Variants in LRRC37B observed in about 807,000 individuals in gnomAD.
LRRC37B encodes the protein leucine rich repeat containing 37B.
A neutral mutation model predicts 98.3 loss-of-function variants in LRRC37B; 28 were observed. That is an observed-to-expected ratio of 0.28 (90% confidence interval 0.21 to 0.39). The LOEUF is 0.39. LRRC37B is among the 10% of genes least tolerant of loss of function. The pLI is 1.00. For synonymous variants in LRRC37B, 364 were observed against 442.7 expected, an observed-to-expected ratio of 0.82 and a Z score of 2.23; for missense variants, 938 against 1,182.7, an observed-to-expected ratio of 0.79 and a Z score of 3.03.
chr17:32,014,051 T>C (rs1332981571), intron 1 of LRRC37B, among the ~76,000 whole-genome samples: 1 of 152,144 alleles, frequency 6.6e-6, no homozygotes, highest in African/African-American at 2.4e-5. Context: ...ACCACCAAAA[T>C]ATCAATGACT....
intron 1 of LRRC37B, among the ~76,000 whole-genome samples, chr17:32,023,155 C>G (rs1373354373): frequency 7.5e-6 from 1 of 132,826 alleles, no homozygotes. Context: ...GAGTTTTGCT[C>G]TTGTTGCACA....
At chr17:32,027,533 G>A (rs1192887938) in intron 2 of LRRC37B, among the ~76,000 whole-genome samples, 3 of 151,662 alleles carry the variant, frequency 2.0e-5, no homozygotes, top group Non-Finnish European at 2.9e-5. Flanking sequence ...GTGCTTGTGT[G>A]TGTGTGTGTG....
intron 6 of LRRC37B, 130 bp downstream of exon 9, chr17:32,035,111 T>A (rs1911211331): frequency 7.3e-6 from 5 of 685,028 alleles, no homozygotes; most frequent in Non-Finnish European, 9.6e-6. Context: ...TTGAAAAAAG[T>A]TATTGGCAAA....
chr17:32,010,984 A>G (rs1210945524), intron 1 of LRRC37B, among the ~76,000 whole-genome samples: 1 of 151,600 alleles, frequency 6.6e-6, no homozygotes, highest in Admixed American at 6.6e-5. Context: ...CTAGCTTTAT[A>G]GATGAAGGAT....
chr17:32,010,773 A>C (rs1910507102), intron 1 of LRRC37B, among the ~76,000 whole-genome samples: 2 of 152,290 alleles, frequency 1.3e-5, no homozygotes, highest in South Asian at 4.1e-4. Flanking sequence ...CCCATCAATC[A>C]ACTTGTCTTC....
chr17:32,014,623 C>T (rs1910610143), intron 1 of LRRC37B, among the ~76,000 whole-genome samples: 1 of 152,140 alleles, frequency 6.6e-6, no homozygotes, highest in South Asian at 2.1e-4. Context: ...GGTTGTTTCT[C>T]CTCTTACGCT....
At chr17:32,021,657 A>G (rs1305414661) in exon 1 of LRRC37B, 3 of 1,614,228 alleles carry the variant, frequency 1.9e-6, no homozygotes, top group Non-Finnish European at 2.5e-6. Context: ...GGCAGATGAA[A>G]TACTTGTTCC....
intron 1 of LRRC37B, among the ~76,000 whole-genome samples, chr17:32,009,211 T>C (rs1251321671): frequency 6.6e-6 from 1 of 152,168 alleles, no homozygotes; most frequent in Non-Finnish European, 1.5e-5. Flanking sequence ...CCTCTTTTTA[T>C]GTGCATCTTT....
chr17:32,046,142 T>C (rs1416601952), intron 8 of LRRC37B, among the ~76,000 whole-genome samples: 1 of 152,242 alleles, frequency 6.6e-6, no homozygotes, highest in African/African-American at 2.4e-5. Context: ...AATTTCTTCA[T>C]ATAGTGCAAT....
At chr17:32,014,730 A>C (rs1910613871) in intron 1 of LRRC37B, among the ~76,000 whole-genome samples, 1 of 150,704 alleles carries the variant, frequency 6.6e-6, no homozygotes, top group African/African-American at 2.5e-5. Context: ...AGATAGATAC[A>C]TATATCTATA....
rs1466697226 is a variant in LRRC37B at position 32,049,211 on chromosome 17, A to G, written c.2574A>G (p.Ser858=). ...TCCGGACCTTGAAAATGGAATGTTC[A>G]GAAACACATGTGCAAGGGAGCTGTG... is the stretch of plus-strand genomic sequence containing the variant. The change falls in exon 10 of 12, where the codon TCA becomes TCG. Residue 858 remains serine (S), a synonymous_variant. Coordinates refer to ENST00000327564, the Ensembl canonical transcript of LRRC37B. 3 of 1,614,168 alleles carry G rather than the reference A, an allele frequency of 1.9e-6. No individual in the cohort carries two copies. In the South Asian group the frequency reaches 3.3e-5, roughly 18 times the overall value.
chr17:32,046,784 C>T (rs370396208), intron 8 of LRRC37B, among the ~76,000 whole-genome samples: 610 of 147,784 alleles, frequency 4.1e-3, no homozygotes, highest in Middle Eastern at 0.018. Context: ...TCTCCTTTCT[C>T]GCAATCTTTA....
intron 1 of LRRC37B, among the ~76,000 whole-genome samples, chr17:32,012,815 G>C (rs187618637): frequency 5.5e-4 from 84 of 152,200 alleles, no homozygotes; most frequent in African/African-American, 1.8e-3. Flanking sequence ...TCAGGAGTTC[G>C]AGACCAACCT....
intron 5 of LRRC37B, among the ~76,000 whole-genome samples, chr17:32,032,975 C>T (rs12449297): frequency 0.027 from 4,167 of 152,208 alleles, 86 homozygotes; most frequent in Admixed American, 0.048. Flanking sequence ...ACAAGCCTGA[C>T]CAACATGGTG....
chr17:32,016,965 A>G (rs1910658333), upstream of LRRC37B: 1 of 152,174 alleles, frequency 6.6e-6, no homozygotes, highest in Non-Finnish European at 1.5e-5. Flanking sequence ...TTTGAAGATA[A>G]CTTCTGGAAT....
chr17:32,012,655 G>A (rs1237108220), intron 1 of LRRC37B, among the ~76,000 whole-genome samples: 1 of 152,108 alleles, frequency 6.6e-6, no homozygotes, highest in Non-Finnish European at 1.5e-5. Context: ...GGTGGATATT[G>A]CAGTGAGCTG....
At chr17:32,050,260 T>C (rs1320191538) in intron 11 of LRRC37B, 153 bp downstream of exon 14, 1 of 641,656 alleles carries the variant, frequency 1.6e-6, no homozygotes, top group Non-Finnish European at 2.9e-6. Context: ...TACTGCAATG[T>C]ATATTCCAGG....
chr17:32,041,132 A>G (rs920032228), intron 7 of LRRC37B: 2 of 768,688 alleles, frequency 2.6e-6, no homozygotes, highest in East Asian at 4.9e-5. Flanking sequence ...ACGAGCTGGC[A>G]GAGAAGCTCA....
chr17:32,051,825 T>A (rs1911769466), intron 11 of LRRC37B: 1 of 152,276 alleles, frequency 6.6e-6, no homozygotes, highest in African/African-American at 2.4e-5. Flanking sequence ...ATGAATTCAT[T>A]TCTTGTTAAT....
Sources: gnomAD v4.1 joint callset for allele counts (sites outside exome capture counted in the v4.1 genomes callset) on GRCh38, gnomAD v4.1.1 for gene constraint, MANE v1.5 for transcripts, NCBI Gene and HGNC (gene_info 2026-07-23, HGNC 2026-07-21) for gene names.